The following MICAL2 variants were observed in gnomAD, a reference collection of about 807,000 sequenced individuals.
MICAL2 encodes the protein microtubule associated monooxygenase, calponin and LIM domain containing 2, also known as [F-actin]-monooxygenase MICAL2.
A neutral mutation model predicts 127.3 loss-of-function variants in MICAL2; 77 were observed. The ratio of observed to expected loss-of-function variants is 0.60; its 90% CI spans 0.50 to 0.73. The LOEUF is 0.73. MICAL2 is among the 30% of genes least tolerant of loss of function. MICAL2 has a pLI of 0.00. For missense variants in MICAL2, 1,351 were observed against 1,434.4 expected (o/e 0.94, Z 0.94); for synonymous variants, 570 against 551.1 (o/e 1.03, Z -0.48).
chr11:12,251,974 T>G (rs1311303194), intron 22 of MICAL2, among the ~76,000 whole-genome samples: 1 of 152,202 alleles, frequency 6.6e-6, no homozygotes, highest in Non-Finnish European at 1.5e-5. Flanking sequence ...TGCATGGGTA[T>G]CTTGGCATCA....
intron 34 of MICAL2, among the ~76,000 whole-genome samples, chr11:12,355,188 C>T (rs184667386): frequency 6.6e-6 from 1 of 152,314 alleles, no homozygotes; most frequent in Admixed American, 6.5e-5. Flanking sequence ...GTCCTGCCCT[C>T]TAGGAGTTTG....
intron 18 of MICAL2, 106 bp from the exon 19 acceptor site, chr11:12,242,108 C>T (rs975776113): frequency 5.4e-6 from 5 of 919,110 alleles, no homozygotes; most frequent in South Asian, 3.6e-5. Flanking sequence ...CTTAGGGTTG[C>T]ACCTGGTGCA....
At chr11:12,273,429 G>A (rs1353856699), upstream of MICAL2, among the ~76,000 whole-genome samples, 1 of 151,950 alleles carries the variant, frequency 6.6e-6, no homozygotes, top group Non-Finnish European at 1.5e-5. Context: ...TTCCTCAAAT[G>A]CCTTCCATCC....
At chr11:12,194,489 T>C (rs1859624440) in intron 3 of MICAL2, among the ~76,000 whole-genome samples, 1 of 152,170 alleles carries the variant, frequency 6.6e-6, no homozygotes, top group South Asian at 2.1e-4. Flanking sequence ...AACTGCTCTA[T>C]TTCCGGATGT....
At chr11:12,179,982 G>A (rs767483947) in intron 3 of MICAL2, among the ~76,000 whole-genome samples, 13 of 152,090 alleles carry the variant, frequency 8.5e-5, no homozygotes, top group South Asian at 2.1e-4. Flanking sequence ...GCTCTGTTTC[G>A]TCTTCTGTTC....
intron 32 of MICAL2, among the ~76,000 whole-genome samples, chr11:12,340,849 A>T (rs1333686935): frequency 1.3e-5 from 2 of 152,250 alleles, no homozygotes; most frequent in Non-Finnish European, 2.9e-5. Context: ...TCTAAAGAAT[A>T]TACAGATTAA....
At chr11:12,224,585 C>T (rs540398148) in intron 12 of MICAL2, 88 bp from the exon 13 acceptor site, 1 of 1,536,450 alleles carries the variant, frequency 6.5e-7, no homozygotes, top group South Asian at 1.2e-5. Context: ...TCCTGGTCCC[C>T]AGCCATGGTG....
intron 32 of MICAL2, among the ~76,000 whole-genome samples, chr11:12,338,757 T>C (rs1211207353): frequency 6.6e-6 from 1 of 152,234 alleles, no homozygotes; most frequent in Non-Finnish European, 1.5e-5. Context: ...GAAAATTCTT[T>C]TCTTTAAGAA....
At chr11:12,180,449 G>T (rs1221920567) in intron 3 of MICAL2, among the ~76,000 whole-genome samples, 1 of 151,844 alleles carries the variant, frequency 6.6e-6, no homozygotes, top group Admixed American at 6.6e-5. Flanking sequence ...ACTGATTTAT[G>T]ATCTCTTGTG....
At chr11:12,256,683 G>A (rs920655654) in intron 23 of MICAL2, 102 bp from the exon 24 acceptor site, 21 of 1,137,070 alleles carry the variant, frequency 1.8e-5, no homozygotes, top group Admixed American at 5.5e-5. Context: ...AGAAGCCCAC[G>A]AGGTCCCCAG....
intron 2 of MICAL2, among the ~76,000 whole-genome samples, chr11:12,282,881 G>C (rs182678156): frequency 6.6e-6 from 1 of 152,142 alleles, no homozygotes; most frequent in Non-Finnish European, 1.5e-5. Context: ...GGAAGGTGAG[G>C]GCATGACAAA....
intron 3 of MICAL2, among the ~76,000 whole-genome samples, chr11:12,163,306 G>A (rs140762267): frequency 2.2e-4 from 33 of 152,334 alleles, no homozygotes; most frequent in Non-Finnish European, 4.0e-4. Context: ...GAGCACTGGT[G>A]CAGGCTGTGT....
At chr11:12,132,739 T>C (rs1401728032) in intron 1 of MICAL2, among the ~76,000 whole-genome samples, 4 of 152,230 alleles carry the variant, frequency 2.6e-5, no homozygotes, top group Admixed American at 6.5e-5. Context: ...CTTTTCTTCT[T>C]GACATGATTG....
At chr11:12,219,397 A>G (rs12281126) in intron 8 of MICAL2, among the ~76,000 whole-genome samples, 39,420 of 151,704 alleles carry the variant, frequency 0.26, 5,694 homozygotes, top group Non-Finnish European at 0.31. Context: ...AAGCATAACA[A>G]TTAGCACCAA....
intron 1 of MICAL2, chr11:12,276,332 G>A (rs1863722018): frequency 5.0e-6 from 2 of 396,380 alleles, no homozygotes; most frequent in East Asian, 7.1e-5. Flanking sequence ...AGAGGGAGTG[G>A]TAAGATTCAC....
chr11:12,128,932 C>T (rs1165215320), intron 1 of MICAL2, among the ~76,000 whole-genome samples: 1 of 152,204 alleles, frequency 6.6e-6, no homozygotes, highest in Non-Finnish European at 1.5e-5. Flanking sequence ...ATAGCAAGCA[C>T]TCTGAAAGAG....
chr11:12,306,094 G>A (rs765741614), intron 29 of MICAL2, among the ~76,000 whole-genome samples: 3 of 152,038 alleles, frequency 2.0e-5, no homozygotes, highest in Admixed American at 2.0e-4. Context: ...AAAAATACTC[G>A]TAAGTATAGA....
At chr11:12,162,795 CCTT>C (rs1854987888) in intron 3 of MICAL2, among the ~76,000 whole-genome samples, 1 of 152,220 alleles carries the variant, frequency 6.6e-6, no homozygotes, top group Non-Finnish European at 1.5e-5. Context: ...CTACAGCAGT[CCTT>C]CAGGCCATTT....
Position 12,221,709 on chromosome 11 carries a change from G to A in MICAL2, c.1272G>A (p.Met424Ile), listed in dbSNP as rs1391623050. ...TGGCAGCCTTTGACACGGCATGGATGGTGAAGAGCTGGAACCAGGGCACCC... is the reference window on the plus strand; with the variant it reads ...TGGCAGCCTTTGACACGGCATGGATAGTGAAGAGCTGGAACCAGGGCACCC... ...GFLAAFDTAW[M>I]VKSWNQGTPP... The change falls in exon 10 of 28, where the codon ATG becomes ATA. Residue 424 changes from methionine (M) to isoleucine (I), a missense_variant. Physicochemically the swap from Met to Ile is conservative, Grantham distance 10. Coordinates refer to ENST00000683283, the MANE Select transcript of MICAL2 (RefSeq NM_001282663.2). 2.5e-6 allele frequency: 4 copies of A among 1,613,836 alleles called. No homozygotes were observed. In the South Asian group the frequency reaches 3.3e-5, roughly 13 times the overall value.
Sources: allele counts gnomAD v4.1 joint callset (sites outside exome capture counted in the v4.1 genomes callset), GRCh38; gene constraint gnomAD v4.1.1; transcripts MANE v1.5; gene names NCBI Gene and HGNC (gene_info 2026-07-23, HGNC 2026-07-21).